NNT: variants seen among roughly 807,000 people sequenced by gnomAD.
The protein encoded by NNT is nicotinamide nucleotide transhydrogenase.
A neutral mutation model predicts 104.8 loss-of-function variants in NNT; 50 were observed. The ratio of observed to expected loss-of-function variants is 0.48; its 90% CI spans 0.38 to 0.60. The LOEUF (loss-of-function observed/expected upper bound fraction) is 0.60, where lower values mean the gene tolerates loss of function less well. Ranked by LOEUF, NNT falls within the 20% of genes least tolerant of loss-of-function variation. The probability of loss-of-function intolerance (pLI) is 0.00; values close to 1 mark genes in which losing one functional copy is unlikely to be tolerated. For missense variants in NNT, 1,131 were observed against 1,330.7 expected, an observed-to-expected ratio of 0.85 and a Z score of 2.33; for synonymous variants, 461 against 490.4, an observed-to-expected ratio of 0.94 and a Z score of 0.79.
At chr5:43,648,116 T>A in intron 10 of NNT, 1 of 1,202,580 alleles carries the variant, frequency 8.3e-7, no homozygotes, top group Non-Finnish European at 1.1e-6. Flanking sequence ...AAAATAGTGT[T>A]GTATCTAACT....
chr5:43,672,639 C>G (rs1052929574), intron 17 of NNT, among the ~76,000 whole-genome samples: 1 of 146,922 alleles, frequency 6.8e-6, no homozygotes, highest in Non-Finnish European at 1.5e-5. Flanking sequence ...GATCGTTCCT[C>G]TGGAAGCTTC....
rs1397621250 is a variant in NNT, at chr5:43,707,029, T to A, written c.*2625T>A. 1 of 151,740 alleles carries A rather than the reference T, an allele frequency of 6.6e-6. No homozygotes were observed. Among genetic ancestry groups the A allele is most frequent in the African/African-American group, 2.4e-5 (1 of 41,256 alleles). The allele number at this position is 151,740 out of a possible 1,614,324, so 9.4% of individuals were successfully genotyped here. ...AGATATACCTAATGTAAATGATGAG[T>A]TAATGGGTGCAGCACACCAACATGG... is the stretch of plus-strand genomic sequence containing the variant. On this transcript the variant is annotated 3_prime_UTR_variant, in exon 22 of 22. Coordinates refer to ENST00000344920, the MANE Select transcript of NNT (RefSeq NM_182977.3).
chr5:43,697,693 G>A (rs897763074), intron 19 of NNT, among the ~76,000 whole-genome samples: 4 of 152,172 alleles, frequency 2.6e-5, no homozygotes, highest in African/African-American at 9.7e-5. Flanking sequence ...AGAAGGCAAG[G>A]AGGAGCAAGT....
At chr5:43,700,331 G>A in intron 20 of NNT, 94 bp downstream of exon 20, 1 of 798,008 alleles carries the variant, frequency 1.3e-6, no homozygotes, top group Non-Finnish European at 2.0e-6. Context: ...AGTGAAGACT[G>A]ACTAGTCAGA....
chr5:43,699,069 C>T (rs1043033747), intron 19 of NNT, among the ~76,000 whole-genome samples: 3 of 152,054 alleles, frequency 2.0e-5, no homozygotes, highest in African/African-American at 7.2e-5. Flanking sequence ...CTATGTGCCA[C>T]ACACTGTTCT....
intron 17 of NNT, among the ~76,000 whole-genome samples, chr5:43,672,528 G>T (rs747514406): frequency 2.0e-5 from 3 of 152,262 alleles, no homozygotes; most frequent in Non-Finnish European, 2.9e-5. Context: ...CTGCAGGTCT[G>T]TTGGAGTTTG....
intron 7 of NNT, among the ~76,000 whole-genome samples, chr5:43,639,364 G>T (rs1489340542): frequency 6.6e-6 from 1 of 152,114 alleles, no homozygotes; most frequent in East Asian, 1.9e-4. Context: ...CATGCATGAG[G>T]CAGTTTTTCA....
intron 19 of NNT, among the ~76,000 whole-genome samples, chr5:43,684,920 G>C (rs923382846): frequency 7.9e-5 from 12 of 152,108 alleles, no homozygotes; most frequent in Admixed American, 6.6e-5. Context: ...TACCTCCAGA[G>C]ACCCTCCTCA....
At chr5:43,603,872 CA>C (rs1336831427) in intron 1 of NNT, among the ~76,000 whole-genome samples, 2 of 151,930 alleles carry the variant, frequency 1.3e-5, no homozygotes, top group Non-Finnish European at 2.9e-5. Context: ...GTGGTGGGTA[CA>C]AGTTTCTGGG....
intron 10 of NNT, 173 bp downstream of exon 10, chr5:43,645,683 C>CTCTCTATATATA (rs1386181675): frequency 2.2e-5 from 1 of 45,744 alleles, no homozygotes; most frequent in Admixed American, 4.5e-4. Flanking sequence ...CTCTCTCTCT[C>CTCTCTATATATA]TATATATATA....
At position 43,653,050 on chromosome 5, in the gene NNT, C is replaced by T. The variant is rs771545696; in HGVS notation, c.1896C>T (p.Val632=). Reference sequence around the variant, plus strand: ...ACCTAGGCTCGGGTTTGTGCTGTGTCGGTGCCTTGGCTGGCCTCTCCACCC... The same window carrying T: ...ACCTAGGCTCGGGTTTGTGCTGTGTTGGTGCCTTGGCTGGCCTCTCCACCC... ...IMYLGSGLCC[V]GALAGLSTQG... Residue 632 remains valine, a synonymous_variant, in exon 14 of 22, where the codon GTC becomes GTT. Coordinates refer to ENST00000344920, the MANE Select transcript of NNT (RefSeq NM_182977.3). 3.4e-5 allele frequency: 55 copies of T among 1,613,872 alleles called. 1 individual carries two copies. The highest frequency in any genetic ancestry group is 4.3e-5 in the Non-Finnish European group (51 of 1,179,942).
intron 19 of NNT, among the ~76,000 whole-genome samples, chr5:43,697,127 G>A (rs1226648593): frequency 2.0e-5 from 3 of 152,112 alleles, no homozygotes; most frequent in African/African-American, 7.2e-5. Flanking sequence ...TTTATGCTCT[G>A]TTTTCTTTCT....
chr5:43,689,795 G>A lies in NNT; in HGVS notation c.2877-10324G>A, dbSNP rs1177258628. ...CAGGATATGAAAGGAAACATCTTTT[G>A]TGAAATAGAAAGTATAAATAAAAAG... On this transcript the variant is annotated intron_variant, in intron 19 of 21. Transcript: ENST00000344920. Among the ~76,000 whole-genome samples, 3 of 152,136 alleles carry A rather than the reference G, an allele frequency of 2.0e-5. No homozygotes were observed. The East Asian group carries it at 5.8e-4, about 29-fold the overall frequency.
chr5:43,700,940 T>C (rs1742818578), intron 20 of NNT, among the ~76,000 whole-genome samples: 1 of 152,218 alleles, frequency 6.6e-6, no homozygotes, highest in African/African-American at 2.4e-5. Flanking sequence ...GTAGTTTATA[T>C]TGCAGTTCTT....
At chr5:43,605,522 CA>C (rs70997416) in intron 1 of NNT, among the ~76,000 whole-genome samples, 2,025 of 37,596 alleles carry the variant, frequency 0.054, 4 homozygotes, top group Admixed American at 0.088. Flanking sequence ...GACTCCGTCT[CA>C]AAAAAAAAAA....
chr5:43,682,717 A>T lies in NNT; in HGVS notation c.2876+4911A>T, dbSNP rs561795561. ...AGTAACGAAATAGACATTATTTAGC[A>T]GTTTCATGTCAGCTTTGTAATACTT... On this transcript the variant is annotated intron_variant, in intron 19 of 21. Transcript: ENST00000344920. 3.9e-5 allele frequency among the ~76,000 whole-genome samples: 6 copies of T among 152,348 alleles called. No individual in the cohort carries two copies. In the East Asian group the frequency reaches 1.2e-3, roughly 29 times the overall value.
At chr5:43,665,136 G>A (rs7702621) in intron 17 of NNT, among the ~76,000 whole-genome samples, 10,011 of 151,994 alleles carry the variant, frequency 0.066, 559 homozygotes, top group African/African-American at 0.15. Flanking sequence ...ATCTACTGCT[G>A]TGATCTTCTG....
chr5:43,701,459 A>G (rs918646529), intron 20 of NNT, among the ~76,000 whole-genome samples: 1 of 152,036 alleles, frequency 6.6e-6, no homozygotes, highest in Non-Finnish European at 1.5e-5. Context: ...CATATGTACC[A>G]TATTTTTTTT....
At chr5:43,627,474 A>ATTT (rs1750432135) in intron 6 of NNT, among the ~76,000 whole-genome samples, 1 of 152,114 alleles carries the variant, frequency 6.6e-6, no homozygotes, top group Non-Finnish European at 1.5e-5. Flanking sequence ...ACCCTGAGTG[A>ATTT]TTATTGTCAT....
Sources: allele counts gnomAD v4.1 joint callset (sites outside exome capture counted in the v4.1 genomes callset), GRCh38; gene constraint gnomAD v4.1.1; transcripts MANE v1.5; gene names NCBI Gene and HGNC (gene_info 2026-07-23, HGNC 2026-07-21).